Variants in NAV2 observed in about 807,000 individuals in gnomAD.
NAV2 encodes the protein helicase, APC down-regulated 1.
In NAV2, 54 loss-of-function variants were observed where a neutral mutation model predicts 223.2. That is an observed-to-expected ratio of 0.24 (90% CI 0.19 to 0.30). NAV2 has a LOEUF of 0.30. Among genes scored for constraint, NAV2 ranks in the 10% least tolerant of loss-of-function variants. The pLI is 1.00. For synonymous variants in NAV2, 1,279 were observed against 1,239.3 expected (o/e 1.03, Z -0.67); for missense variants, 2,806 against 3,147.5 (o/e 0.89, Z 2.60).
chr11:19,785,035 C>T (rs1281510429), intron 1 of NAV2, among the ~76,000 whole-genome samples: 3 of 152,176 alleles, frequency 2.0e-5, no homozygotes, highest in African/African-American at 4.8e-5. Flanking sequence ...AATGATCTGC[C>T]AAGTAGTTGC....
chr11:19,941,883 C>A (rs2046431237), intron 8 of NAV2, among the ~76,000 whole-genome samples: 1 of 152,160 alleles, frequency 6.6e-6, no homozygotes, highest in Non-Finnish European at 1.5e-5. Flanking sequence ...TCTGAAGCCC[C>A]AGTTTTCATT....
At chr11:19,962,793 C>T (rs1316664293) in intron 10 of NAV2, among the ~76,000 whole-genome samples, 1 of 152,096 alleles carries the variant, frequency 6.6e-6, no homozygotes, top group Non-Finnish European at 1.5e-5. Flanking sequence ...AAGGAGAGGC[C>T]CCAAGTTTGT....
chr11:19,944,932 CTTCCCCT>C (rs1461851620), intron 8 of NAV2, among the ~76,000 whole-genome samples: 2 of 127,768 alleles, frequency 1.6e-5, no homozygotes, highest in Non-Finnish European at 3.3e-5. Context: ...CTTTTCTTTT[CTTCCCCT>C]TTCCCCTTTC....
chr11:19,817,643 A>C (rs2059160850), intron 1 of NAV2, among the ~76,000 whole-genome samples: 1 of 152,218 alleles, frequency 6.6e-6, no homozygotes. Context: ...GGGGTGGCCA[A>C]GAGGGCCTTT....
intron 1 of NAV2, among the ~76,000 whole-genome samples, chr11:19,743,822 G>A (rs900488670): frequency 1.3e-5 from 2 of 152,182 alleles, no homozygotes; most frequent in Admixed American, 6.5e-5. Context: ...TGTCTGGACT[G>A]GTCCAGCCCA....
chr11:19,984,166 T>G lies in NAV2; in HGVS notation c.2687T>G (p.Leu896Arg), dbSNP rs768354068. The G allele has an allele frequency of 1.3e-5, 21 of 1,614,100 alleles. No homozygotes were observed. Among genetic ancestry groups the G allele is most frequent in the East Asian group, 2.2e-5 (1 of 44,896 alleles). Residue 896 changes from leucine to arginine, a missense_variant, in exon 11 of 38, where the codon CTG becomes CGG. By Grantham distance (102) the Leu-to-Arg change is moderately radical (BLOSUM62 -2). Around this residue, in one of 4 missense-constraint regions of NAV2, gnomAD observed 1,167 missense variants for 1,180.5 expected, o/e 0.99. Transcript: ENST00000349880. ...DGGLGLYTRRLNRLPDGMAVV... is the reference protein window; with the variant it reads ...DGGLGLYTRRRNRLPDGMAVV... ...GGACTTGGCCTCTATACCCGTCGCCTGAACCGGCTCCCTGATGGGATGGCT... is the reference window on the plus strand; with the variant it reads ...GGACTTGGCCTCTATACCCGTCGCCGGAACCGGCTCCCTGATGGGATGGCT...
chr11:19,964,211 C>T (rs564661292), intron 10 of NAV2, among the ~76,000 whole-genome samples: 1 of 152,140 alleles, frequency 6.6e-6, no homozygotes, highest in Non-Finnish European at 1.5e-5. Flanking sequence ...TTTTCTCCCT[C>T]CTTTGCAAGC....
chr11:20,054,781 G>A (rs999220905), intron 18 of NAV2, among the ~76,000 whole-genome samples: 11 of 152,140 alleles, frequency 7.2e-5, no homozygotes, highest in Non-Finnish European at 1.6e-4. Context: ...GGCACAGTGG[G>A]GAAAGGAAAA....
rs551967759 is a variant in NAV2, at chr11:19,904,968, G to T, written c.931+12374G>T. On this transcript the variant is annotated intron_variant, in intron 6 of 37. Coordinates refer to ENST00000349880, the MANE Select transcript of NAV2 (RefSeq NM_145117.5). Reference sequence around the variant, plus strand: ...AAAGTTGGTGTGATTTGTTCTGGAAGAGTCTCCTCCACCTCAGTAATTTCA... The same window carrying T: ...AAAGTTGGTGTGATTTGTTCTGGAATAGTCTCCTCCACCTCAGTAATTTCA... Among the ~76,000 whole-genome samples the T allele has an allele frequency of 5.3e-5, 8 of 152,292 alleles. No homozygotes were observed. The South Asian group carries it at 1.5e-3, about 28-fold the overall frequency.
chr11:19,533,102 G>C (rs1302560510), intron 1 of NAV2, among the ~76,000 whole-genome samples: 4 of 152,178 alleles, frequency 2.6e-5, no homozygotes. Context: ...GTGAGTTTCA[G>C]TGATGGGAGA....
chr11:19,391,668 C>G (rs1274483916), intron 1 of NAV2, among the ~76,000 whole-genome samples: 1 of 150,750 alleles, frequency 6.6e-6, no homozygotes, highest in Non-Finnish European at 1.5e-5. Context: ...GCCTGTTAGT[C>G]TGGTGTGGGG....
chr11:19,584,882 A>G (rs561559965), intron 1 of NAV2, among the ~76,000 whole-genome samples: 1 of 152,324 alleles, frequency 6.6e-6, no homozygotes, highest in Non-Finnish European at 1.5e-5. Context: ...AGTTCTGTAG[A>G]TGTCTATTGG....
At chr11:19,572,483 AC>A (rs2045456298) in intron 1 of NAV2, among the ~76,000 whole-genome samples, 1 of 152,164 alleles carries the variant, frequency 6.6e-6, no homozygotes, top group Non-Finnish European at 1.5e-5. Context: ...AAAGGACTTG[AC>A]CTGGGGCAAA....
chr11:19,520,195 C>T (rs549926795), intron 1 of NAV2, among the ~76,000 whole-genome samples: 100 of 152,306 alleles, frequency 6.6e-4, no homozygotes, highest in African/African-American at 2.4e-3. Flanking sequence ...ATATGGCTGC[C>T]TCTAATCCTT....
chr11:19,995,186 C>A (rs754170913), intron 11 of NAV2, among the ~76,000 whole-genome samples: 6 of 152,204 alleles, frequency 3.9e-5, no homozygotes, highest in Non-Finnish European at 7.3e-5. Flanking sequence ...CCCAGCTGAT[C>A]TTTAAGGTCC....
chr11:19,901,022 A>G (rs1280194558), intron 6 of NAV2, among the ~76,000 whole-genome samples: 1 of 152,208 alleles, frequency 6.6e-6, no homozygotes, highest in Admixed American at 6.5e-5. Flanking sequence ...TTTTTTGCAT[A>G]ATCCAATTAA....
intron 5 of NAV2, among the ~76,000 whole-genome samples, chr11:19,891,411 T>C (rs1384686209): frequency 1.3e-5 from 2 of 152,228 alleles, no homozygotes; most frequent in Non-Finnish European, 2.9e-5. Context: ...TGAGGAGTCT[T>C]ACCATTAACT....
chr11:19,513,836 A>C (rs1194623893), intron 1 of NAV2, among the ~76,000 whole-genome samples: 1 of 152,204 alleles, frequency 6.6e-6, no homozygotes, highest in East Asian at 1.9e-4. Context: ...AACTCTGTGC[A>C]ATGAAGAGGC....
At chr11:19,753,764 A>G (rs1321398937) in intron 1 of NAV2, among the ~76,000 whole-genome samples, 1 of 152,226 alleles carries the variant, frequency 6.6e-6, no homozygotes, top group African/African-American at 2.4e-5. Context: ...CTCCACTAAT[A>G]GGCAAATTGA....
Sources: allele counts gnomAD v4.1 joint callset (sites outside exome capture counted in the v4.1 genomes callset), GRCh38; gene constraint gnomAD v4.1.1; regional missense constraint gnomAD v4.1.1; transcripts MANE v1.5; gene names NCBI Gene and HGNC (gene_info 2026-07-23, HGNC 2026-07-21).